ZNF540: variants seen among roughly 807,000 people sequenced by gnomAD.
The protein encoded by ZNF540 is zinc finger protein 540, also known as CTD-3064H18.6.
A neutral mutation model predicts 11.8 loss-of-function variants in ZNF540; 3 were observed. That is an observed-to-expected ratio of 0.25 (90% confidence interval 0.12 to 0.65). The LOEUF is 0.65. Ranked by LOEUF, ZNF540 falls within the 30% of genes least tolerant of loss-of-function variation. The pLI is 0.83. For synonymous variants in ZNF540, 247 were observed against 259.0 expected (o/e 0.95, Z 0.45); for missense variants, 709 against 793.1 (o/e 0.89, Z 1.27).
chr19:37,579,676 G>T (rs1600506945), intron 1 of ZNF540, among the ~76,000 whole-genome samples: 1 of 152,062 alleles, frequency 6.6e-6, no homozygotes, highest in African/African-American at 2.4e-5. Context: ...AATTTTCAGA[G>T]CTACTAATTT....
At chr19:37,607,444 T>C (rs2044093842) in intron 4 of ZNF540, among the ~76,000 whole-genome samples, 1 of 152,218 alleles carries the variant, frequency 6.6e-6, no homozygotes, top group Non-Finnish European at 1.5e-5. Context: ...GTTTCACTGC[T>C]CTAAAATTTC....
upstream of ZNF540, chr19:37,594,540 C>G (rs1009269088): frequency 1.3e-5 from 2 of 152,434 alleles, no homozygotes; most frequent in South Asian, 4.1e-4. Flanking sequence ...CCCGCCACTG[C>G]CAGAACCAAA....
intron 1 of ZNF540, chr19:37,564,777 T>A (rs1258991098): frequency 6.2e-7 from 1 of 1,613,956 alleles, no homozygotes; most frequent in Non-Finnish European, 8.5e-7. Flanking sequence ...CCAGTATGAG[T>A]TCTCAGATGT....
intron 1 of ZNF540, chr19:37,583,401 G>A (rs2043544768): frequency 6.6e-6 from 1 of 152,358 alleles, no homozygotes; most frequent in African/African-American, 2.4e-5. Context: ...ATGTAAAACA[G>A]AAGAGTGGCA....
intron 1 of ZNF540, among the ~76,000 whole-genome samples, chr19:37,581,789 G>GA (rs35272779): frequency 0.25 from 36,640 of 147,408 alleles, 5,176 homozygotes; most frequent in East Asian, 0.63. Flanking sequence ...ATTCTCCTGT[G>GA]AAAAAAAAAC....
intron 1 of ZNF540, among the ~76,000 whole-genome samples, chr19:37,568,025 A>G (rs759707919): frequency 2.1e-4 from 32 of 152,224 alleles, no homozygotes; most frequent in Non-Finnish European, 4.4e-4. Flanking sequence ...TCTCCTAGAA[A>G]TAGTGACAAG....
chr19:37,578,721 C>G (rs2043335939), intron 1 of ZNF540, among the ~76,000 whole-genome samples: 1 of 151,874 alleles, frequency 6.6e-6, no homozygotes, highest in Non-Finnish European at 1.5e-5. Flanking sequence ...CCACATTCCC[C>G]CAGGAACCTC....
At chr19:37,606,235 G>A (rs551309787) in intron 4 of ZNF540, among the ~76,000 whole-genome samples, 52 of 152,322 alleles carry the variant, frequency 3.4e-4, no homozygotes, top group Admixed American at 1.5e-3. Flanking sequence ...GTCCATTTAT[G>A]AAGCAGCATG....
intron 1 of ZNF540, among the ~76,000 whole-genome samples, chr19:37,582,707 A>G (rs1344609911): frequency 6.6e-6 from 1 of 152,150 alleles, no homozygotes. Context: ...TGATGCCTCT[A>G]TTGCCAATCT....
intron 1 of ZNF540, among the ~76,000 whole-genome samples, chr19:37,556,762 C>G (rs535388533): frequency 6.6e-6 from 1 of 152,304 alleles, no homozygotes; most frequent in South Asian, 2.1e-4. Flanking sequence ...TACATGATTT[C>G]AAAAGGTGAG....
At chr19:37,553,664 A>G (rs1235069375) in intron 1 of ZNF540, among the ~76,000 whole-genome samples, 3 of 151,998 alleles carry the variant, frequency 2.0e-5, no homozygotes, top group Admixed American at 6.6e-5. Context: ...TTTTTTTCCT[A>G]GAGGCTTTCA....
chr19:37,580,325 T>C (rs1279436040), intron 1 of ZNF540, among the ~76,000 whole-genome samples: 1 of 152,230 alleles, frequency 6.6e-6, no homozygotes, highest in Non-Finnish European at 1.5e-5. Flanking sequence ...ATAGCTGCAG[T>C]CTTCACCATC....
rs1220001933 is a variant in ZNF540, at chr19:37,611,910, T to G, written c.630T>G (p.Thr210=). 2 of 1,613,788 alleles carry G rather than the reference T, an allele frequency of 1.2e-6. No homozygotes were observed. Among genetic ancestry groups the G allele is most frequent in the South Asian group, 2.2e-5 (2 of 91,080 alleles). The change falls in exon 5 of 5, where the codon ACT becomes ACG. Residue 210 remains threonine, a synonymous_variant. Coordinates refer to ENST00000316433, the MANE Select transcript of ZNF540 (RefSeq NM_001172225.3). The part of the protein sequence containing the change: ...YQLTLHQKIH[T]GEKSCKCEKC... ...TTACTCTCCATCAGAAAATTCATAC[T>G]GGTGAAAAATCCTGTAAATGTGAGA... is the stretch of plus-strand genomic sequence containing the variant.
chr19:37,565,632 ATT>A, intron 1 of ZNF540: 1 of 1,613,356 alleles, frequency 6.2e-7, no homozygotes, highest in Non-Finnish European at 8.5e-7. Flanking sequence ...TGAAGAGTAT[ATT>A]GTGAACAATA....
upstream of ZNF540, among the ~76,000 whole-genome samples, chr19:37,591,410 T>C (rs187386004): frequency 6.6e-6 from 1 of 152,314 alleles, no homozygotes; most frequent in East Asian, 1.9e-4. Flanking sequence ...ATGATCACAA[T>C]AGTTCGAAAC....
upstream of ZNF540, among the ~76,000 whole-genome samples, chr19:37,591,001 CAG>C (rs1316849954): frequency 6.6e-6 from 1 of 152,112 alleles, no homozygotes; most frequent in Non-Finnish European, 1.5e-5. Context: ...TAGCATAAAA[CAG>C]AGATACAAGT....
chr19:37,573,457 G>A (rs1257796299), intron 1 of ZNF540, among the ~76,000 whole-genome samples: 2 of 152,056 alleles, frequency 1.3e-5, no homozygotes, highest in Non-Finnish European at 2.9e-5. Context: ...CTCAACACTA[G>A]TTTTAGCCTT....
chr19:37,584,806 C>CA (rs911489012), intron 1 of ZNF540, among the ~76,000 whole-genome samples: 6 of 151,274 alleles, frequency 4.0e-5, no homozygotes, highest in Admixed American at 1.3e-4. Flanking sequence ...ACTAAAAATA[C>CA]AAAAAAAATT....
At chr19:37,598,797 G>A (rs904818408) in intron 2 of ZNF540, among the ~76,000 whole-genome samples, 1 of 35,064 alleles carries the variant, frequency 2.9e-5, no homozygotes, top group Non-Finnish European at 5.3e-5. Context: ...CACAGATCCT[G>A]TGTCTGTAGA....
Sources: allele counts gnomAD v4.1 joint callset (sites outside exome capture counted in the v4.1 genomes callset), GRCh38; gene constraint gnomAD v4.1.1; transcripts MANE v1.5; gene names NCBI Gene and HGNC (gene_info 2026-07-23, HGNC 2026-07-21).